The following SOX6 variants were observed in gnomAD, a reference collection of about 807,000 sequenced individuals.
The protein encoded by SOX6 is transcription factor SOX-6.
Under a neutral mutation model 97.8 loss-of-function variants are expected in SOX6, and 11 were observed. The ratio of observed to expected loss-of-function variants is 0.11; its 90% CI spans 0.07 to 0.19. SOX6 has a LOEUF of 0.19. SOX6 is among the 10% of genes least tolerant of loss of function. The pLI, the probability that SOX6 is intolerant of heterozygous loss-of-function variation, is 1.00. For synonymous variants in SOX6, 360 were observed against 371.4 expected (o/e 0.97, Z 0.35); for missense variants, 810 against 1,039.5 (o/e 0.78, Z 3.04).
intron 6 of SOX6, among the ~76,000 whole-genome samples, chr11:16,165,599 C>T (rs1850866911): frequency 6.6e-6 from 1 of 152,046 alleles, no homozygotes; most frequent in Non-Finnish European, 1.5e-5. Context: ...TTCAGTAATG[C>T]TAAATGACGA....
chr11:16,696,843 C>T (rs1267679847), intron 3 of SOX6, among the ~76,000 whole-genome samples: 1 of 152,132 alleles, frequency 6.6e-6, no homozygotes, highest in African/African-American at 2.4e-5. Context: ...GATTGACTCT[C>T]CTTTCATGAA....
chr11:16,398,195 G>A (rs907894525), intron 1 of SOX6, among the ~76,000 whole-genome samples: 1 of 151,540 alleles, frequency 6.6e-6, no homozygotes, highest in Non-Finnish European at 1.5e-5. Context: ...ACTGCTCTAG[G>A]ATCAGCTTAA....
intron 3 of SOX6, among the ~76,000 whole-genome samples, chr11:16,638,003 G>A (rs545642347): frequency 2.7e-5 from 4 of 150,678 alleles, no homozygotes; most frequent in Admixed American, 2.0e-4. Flanking sequence ...ATGTTGGTGT[G>A]CTGCACCCAT....
chr11:16,611,243 A>C (rs1162213802), intron 4 of SOX6, among the ~76,000 whole-genome samples: 1 of 152,250 alleles, frequency 6.6e-6, no homozygotes, highest in Non-Finnish European at 1.5e-5. Context: ...TCGAGAAGTT[A>C]GTATTTAAAA....
At chr11:16,543,591 C>T (rs1324914405) in intron 4 of SOX6, among the ~76,000 whole-genome samples, 2 of 152,162 alleles carry the variant, frequency 1.3e-5, no homozygotes, top group African/African-American at 4.8e-5. Context: ...ACTCTTACAA[C>T]TCAATAATGA....
intron 4 of SOX6, among the ~76,000 whole-genome samples, chr11:16,493,937 A>G (rs995263753): frequency 6.6e-6 from 1 of 152,236 alleles, no homozygotes; most frequent in African/African-American, 2.4e-5. Context: ...CATTTGTACA[A>G]GAACACAAAG....
chr11:16,572,932 C>T (rs1847951790), intron 4 of SOX6, among the ~76,000 whole-genome samples: 1 of 152,138 alleles, frequency 6.6e-6, no homozygotes, highest in African/African-American at 2.4e-5. Flanking sequence ...ATGATTTCTG[C>T]AACTTTCTTT....
intron 4 of SOX6, among the ~76,000 whole-genome samples, chr11:16,583,555 T>C (rs940801616): frequency 4.9e-5 from 7 of 142,150 alleles, no homozygotes; most frequent in Non-Finnish European, 9.3e-5. Context: ...CATTCTTTTT[T>C]ATGGATGAAT....
chr11:16,719,401 A>G (rs1349517220), intron 2 of SOX6, among the ~76,000 whole-genome samples: 1 of 152,218 alleles, frequency 6.6e-6, no homozygotes, highest in Non-Finnish European at 1.5e-5. Flanking sequence ...ACACTCATTT[A>G]GAATCAGATA....
chr11:16,015,267 A>G (rs1854850892), intron 12 of SOX6: 2 of 575,312 alleles, frequency 3.5e-6, no homozygotes, highest in African/African-American at 1.9e-5. Context: ...AGGGAAAGGA[A>G]AGCTGTGACA....
intron 2 of SOX6, among the ~76,000 whole-genome samples, chr11:16,333,184 G>T (rs1590133198): frequency 6.6e-6 from 1 of 152,174 alleles, no homozygotes; most frequent in East Asian, 1.9e-4. Flanking sequence ...ACAATCCTGG[G>T]TTCCTCCTCC....
intron 13 of SOX6, among the ~76,000 whole-genome samples, chr11:16,001,619 A>G (rs768616278): frequency 2.0e-5 from 3 of 152,176 alleles, no homozygotes; most frequent in Non-Finnish European, 4.4e-5. Context: ...CACTTTAAGG[A>G]TGCCACTTCC....
At chr11:16,509,491 T>C (rs978267419) in intron 4 of SOX6, among the ~76,000 whole-genome samples, 1 of 151,998 alleles carries the variant, frequency 6.6e-6, no homozygotes, top group Non-Finnish European at 1.5e-5. Context: ...CTAAGCATAA[T>C]GGAAACACCT....
intron 3 of SOX6, among the ~76,000 whole-genome samples, chr11:16,247,302 T>C (rs1471497440): frequency 6.6e-6 from 1 of 152,184 alleles, no homozygotes; most frequent in Non-Finnish European, 1.5e-5. Flanking sequence ...ACATTTTATA[T>C]CCATTCATCT....
intron 2 of SOX6, among the ~76,000 whole-genome samples, chr11:16,726,566 G>T (rs150757133): frequency 4.6e-4 from 70 of 152,274 alleles, no homozygotes; most frequent in Non-Finnish European, 4.4e-4. Context: ...AAAGGCACAT[G>T]CCAAGATATT....
At chr11:16,308,296 G>C (rs1182567257) in intron 3 of SOX6, among the ~76,000 whole-genome samples, 3 of 152,150 alleles carry the variant, frequency 2.0e-5, no homozygotes, top group Non-Finnish European at 4.4e-5. Flanking sequence ...GAAAAGTAAT[G>C]ATAGTAAACT....
At chr11:16,574,467 A>C (rs943262282) in intron 4 of SOX6, among the ~76,000 whole-genome samples, 2 of 152,160 alleles carry the variant, frequency 1.3e-5, no homozygotes, top group Non-Finnish European at 1.5e-5. Context: ...TACTTTAGAC[A>C]GTATACCAAA....
Position 16,514,392 on chromosome 11 carries a change from A to AAT in SOX6, n.610-38006_610-38005dup, listed in dbSNP as rs377505338. On this transcript the variant is annotated intron_variant and non_coding_transcript_variant, in intron 4 of 5. Coordinates refer to the SOX6 transcript ENST00000524520. ...TAAAAGCAGAGTAACATTGGTACAT[A>AAT]ATAGTTGCCACTAGCCCAAAGAAGT... Among the ~76,000 whole-genome samples the AAT allele has an allele frequency of 5.3e-3, 813 of 152,274 alleles. 1 individual carries two copies. Among genetic ancestry groups the AAT allele is most frequent in the Non-Finnish European group, 0.011 (718 of 68,024 alleles).
intron 3 of SOX6, among the ~76,000 whole-genome samples, chr11:16,308,565 C>T (rs962369394): frequency 3.9e-5 from 6 of 152,084 alleles, no homozygotes; most frequent in African/African-American, 1.2e-4. Context: ...CAGCTAATGT[C>T]GACTGTTTGG....
Sources: allele counts gnomAD v4.1 joint callset (sites outside exome capture counted in the v4.1 genomes callset), GRCh38; gene constraint gnomAD v4.1.1; transcripts MANE v1.5; gene names NCBI Gene and HGNC (gene_info 2026-07-23, HGNC 2026-07-21).